Variants in NHS observed in about 807,000 individuals in gnomAD.
The protein encoded by NHS is actin remodeling regulator NHS.
In NHS, 5 loss-of-function variants were observed where a neutral mutation model predicts 72.5. The observed-to-expected ratio is 0.07, with a 90% CI of 0.04 to 0.14. The LOEUF (loss-of-function observed/expected upper bound fraction) is 0.14. NHS is among the 10% of genes least tolerant of loss of function. NHS has a pLI of 1.00. For missense variants in NHS, 1,072 were observed against 1,355.7 expected, an observed-to-expected ratio of 0.79 and a Z score of 3.29; for synonymous variants, 464 against 547.7, an observed-to-expected ratio of 0.85 and a Z score of 2.13.
chrX:17,386,053 A>G (rs1331025123), intron 1 of NHS, among the ~76,000 whole-genome samples: 1 of 111,696 alleles, frequency 9.0e-6, no homozygotes, highest in African/African-American at 3.3e-5. Context: ...CCCCAACTGT[A>G]TTGCTGGATA....
intron 1 of NHS, among the ~76,000 whole-genome samples, chrX:17,411,370 A>G (rs757938745): frequency 9.0e-6 from 1 of 111,564 alleles, no homozygotes; most frequent in Non-Finnish European, 1.9e-5. Flanking sequence ...GGCGCCAATA[A>G]ATTACACTTG....
intron 1 of NHS, among the ~76,000 whole-genome samples, chrX:17,572,491 C>CTT (rs760577193): frequency 0.057 from 2,639 of 46,449 alleles, 440 homozygotes; most frequent in African/African-American, 0.28. Flanking sequence ...GCAACCCCTG[C>CTT]TTTTTTTTTT....
chrX:17,567,490 C>T (rs887927743), intron 1 of NHS, among the ~76,000 whole-genome samples: 5 of 111,670 alleles, frequency 4.5e-5, no homozygotes, highest in African/African-American at 1.6e-4. Context: ...CTCATCCATT[C>T]GAGAATGATC....
chrX:17,383,624 A>G (rs191039897), intron 1 of NHS, among the ~76,000 whole-genome samples: 1 of 112,161 alleles, frequency 8.9e-6, no homozygotes, highest in African/African-American at 3.2e-5. Flanking sequence ...ACACGTTTAA[A>G]CAACCAGCTC....
chrX:17,427,407 A>G (rs2064662703), intron 1 of NHS, among the ~76,000 whole-genome samples: 1 of 112,497 alleles, frequency 8.9e-6, no homozygotes, highest in Non-Finnish European at 1.9e-5. Context: ...GTACACATTG[A>G]CATGCACCAA....
At chrX:17,474,421 C>T (rs1481325035) in intron 1 of NHS, among the ~76,000 whole-genome samples, 1 of 111,986 alleles carries the variant, frequency 8.9e-6, no homozygotes, top group Non-Finnish European at 1.9e-5. Context: ...CCTTCTTACA[C>T]ATCCGTCTTA....
At chrX:17,402,273 A>C (rs910042736) in intron 1 of NHS, among the ~76,000 whole-genome samples, 2 of 112,142 alleles carry the variant, frequency 1.8e-5, no homozygotes, top group Admixed American at 9.5e-5. Flanking sequence ...TTAAATGTAG[A>C]GTTACCATAT....
chrX:17,717,941 G>A (rs988882062), intron 3 of NHS, among the ~76,000 whole-genome samples: 6 of 112,174 alleles, frequency 5.3e-5, no homozygotes, highest in Non-Finnish European at 1.1e-4. Context: ...TTAGCAAGTG[G>A]TGTTGGAATC....
chrX:17,728,574 T>TGTTC, intron 7 of NHS, 75 bp from the exon 8 acceptor site: 2 of 1,137,897 alleles, frequency 1.8e-6, no homozygotes, highest in Non-Finnish European at 2.4e-6. Flanking sequence ...TTTGTTTGTT[T>TGTTC]GTTCCCTGAG....
intron 1 of NHS, among the ~76,000 whole-genome samples, chrX:17,665,712 T>C (rs766661332): frequency 2.1e-4 from 24 of 111,834 alleles, no homozygotes; most frequent in African/African-American, 6.5e-4. Flanking sequence ...TCCTCTATTT[T>C]CTAGAAAAAT....
chrX:17,713,480 T>A (rs933699833), intron 3 of NHS, among the ~76,000 whole-genome samples: 2 of 112,262 alleles, frequency 1.8e-5, no homozygotes, highest in African/African-American at 6.5e-5. Context: ...TAGCAATAAA[T>A]CAGCTCTGAA....
At chrX:17,479,978 C>T (rs865797155) in intron 1 of NHS, among the ~76,000 whole-genome samples, 5 of 111,454 alleles carry the variant, frequency 4.5e-5, no homozygotes, top group Non-Finnish European at 7.5e-5. Flanking sequence ...ATGCCTATGT[C>T]CTGAATGGTA....
chrX:17,466,592 G>A (rs1324789386), intron 1 of NHS, among the ~76,000 whole-genome samples: 1 of 111,899 alleles, frequency 8.9e-6, no homozygotes, highest in Non-Finnish European at 1.9e-5. Flanking sequence ...TGGAGGAACA[G>A]AAAGTTCTTT....
At position 17,375,989 on chromosome X, in the gene NHS, G is replaced by A. The variant is rs2064344147; in HGVS notation, c.232G>A (p.Ala78Thr). The A allele has an allele frequency of 1.9e-6, 2 of 1,077,961 alleles. No homozygotes were observed. Among genetic ancestry groups the A allele is most frequent in the Non-Finnish European group, 2.4e-6 (2 of 833,556 alleles). The allele number at this position is 1,077,961 out of a possible 1,213,427, so 88.8% of individuals were successfully genotyped here. A position where few individuals can be genotyped will look rare whatever the true frequency, so the allele number is the denominator to read the frequency against. ...PPPPPPLPAP[A>T]DQTQPPHGEA... ...GCCGCCGCCGCCACTGCCCGCGCCGGCCGACCAGACTCAGCCGCCGCACGG... is the reference window on the plus strand; with the variant it reads ...GCCGCCGCCGCCACTGCCCGCGCCGACCGACCAGACTCAGCCGCCGCACGG... The change falls in exon 1 of 9, where the codon GCC (alanine) becomes ACC (threonine). Residue 78 changes from alanine (A) to threonine (T), a missense_variant. Ala to Thr is a moderately conservative substitution (Grantham distance 58). Transcript: ENST00000676302.
intron 1 of NHS, among the ~76,000 whole-genome samples, chrX:17,578,884 G>A (rs772820109): frequency 8.9e-6 from 1 of 111,775 alleles, no homozygotes; most frequent in Non-Finnish European, 1.9e-5. Context: ...TGGAGAGGGT[G>A]TTTGAAGCGC....
At chrX:17,452,694 C>G (rs894514960) in intron 1 of NHS, among the ~76,000 whole-genome samples, 10 of 111,523 alleles carry the variant, frequency 9.0e-5, no homozygotes, top group Non-Finnish European at 1.7e-4. Context: ...TTATTATTTT[C>G]AAGCCACATC....
intron 3 of NHS, among the ~76,000 whole-genome samples, chrX:17,700,659 C>T (rs984728061): frequency 2.7e-5 from 3 of 111,608 alleles, no homozygotes; most frequent in African/African-American, 9.8e-5. Context: ...TACGCACTTA[C>T]CTTTTGCTTC....
chrX:17,430,666 T>G (rs1386583153), intron 1 of NHS, among the ~76,000 whole-genome samples: 2 of 111,204 alleles, frequency 1.8e-5, no homozygotes, highest in East Asian at 5.7e-4. Context: ...ACCACCGATG[T>G]ACTTTTTGTT....
intron 1 of NHS, among the ~76,000 whole-genome samples, chrX:17,482,908 G>A (rs2064952067): frequency 1.8e-5 from 2 of 112,273 alleles, no homozygotes; most frequent in African/African-American, 6.5e-5. Flanking sequence ...TAGAGGCTAT[G>A]GGGAGGGGAT....
Sources: gnomAD v4.1 joint callset for allele counts (sites outside exome capture counted in the v4.1 genomes callset) on GRCh38, gnomAD v4.1.1 for gene constraint, MANE v1.5 for transcripts, NCBI Gene and HGNC (gene_info 2026-07-23, HGNC 2026-07-21) for gene names.